The following HELZ variants were observed in gnomAD, a reference collection of about 807,000 sequenced individuals.
The protein encoded by HELZ is ATP-dependent RNA helicase with zinc finger domain.
A neutral mutation model predicts 218.2 loss-of-function variants in HELZ; 23 were observed. The ratio of observed to expected loss-of-function variants is 0.11; its 90% CI spans 0.08 to 0.15. The LOEUF is 0.15. HELZ is among the 10% of genes least tolerant of loss of function. The pLI is 1.00. For synonymous variants in HELZ, 814 were observed against 829.4 expected (o/e 0.98, Z 0.32); for missense variants, 1,813 against 2,353.7 (o/e 0.77, Z 4.75).
At chr17:67,244,965 G>C in intron 1 of HELZ, 183 bp downstream of exon 1, 1 of 985,846 alleles carries the variant, frequency 1.0e-6, no homozygotes, top group Non-Finnish European at 1.2e-6. Flanking sequence ...CCAGCGTCCG[G>C]GCCTCGCCTC....
intron 27 of HELZ, among the ~76,000 whole-genome samples, chr17:67,115,966 C>A (rs1051427726): frequency 5.3e-5 from 8 of 151,890 alleles, no homozygotes; most frequent in Admixed American, 5.2e-4. Context: ...ACAAAAATAA[C>A]AATTATGTTT....
At chr17:67,245,504 C>T, upstream of HELZ, 2 of 985,766 alleles carry the variant, frequency 2.0e-6, no homozygotes, top group Non-Finnish European at 2.4e-6. Context: ...CCCGCGTCTG[C>T]ATTGAATCAA....
At chr17:67,092,790 C>T in intron 31 of HELZ, among the ~76,000 whole-genome samples, 1 of 152,038 alleles carries the variant, frequency 6.6e-6, no homozygotes, top group East Asian at 1.9e-4. Flanking sequence ...CATGGTGAAA[C>T]CCCATCTCTA....
intron 12 of HELZ, among the ~76,000 whole-genome samples, chr17:67,183,894 C>G (rs1456909539): frequency 6.6e-6 from 1 of 151,698 alleles, no homozygotes; most frequent in Admixed American, 6.6e-5. Context: ...TAAAGTCACT[C>G]ATATTTCCTA....
At chr17:67,147,618 C>T (rs915736309) in intron 20 of HELZ, among the ~76,000 whole-genome samples, 29 of 152,008 alleles carry the variant, frequency 1.9e-4, no homozygotes, top group African/African-American at 7.0e-4. Flanking sequence ...GCTGGGACCA[C>T]AGGTGCATGC....
chr17:67,188,173 T>C lies in HELZ; in HGVS notation c.1162+146A>G, dbSNP rs948351255. 9 of 715,692 alleles carry C rather than the reference T, an allele frequency of 1.3e-5. No individual in the cohort carries two copies. The highest frequency in any genetic ancestry group is 2.1e-5 in the Non-Finnish European group (9 of 437,962). The allele number at this position is 715,692 out of a possible 1,614,324, so 44.3% of individuals were successfully genotyped here. The stretch of plus-strand genomic sequence containing the variant: ...ACAGTGTGAATCATTATAAGCCCAT[T>C]ACACAGTAAATGAGTCAATTAAGTT... On this transcript the variant is annotated intron_variant, in intron 12 of 32. Coordinates refer to ENST00000358691, the MANE Select transcript of HELZ (RefSeq NM_014877.4). This position sits in a 1 kb window ranked among gnomAD's most constrained non-coding sequence, Gnocchi z 4.1.
Position 67,109,552 on chromosome 17 carries a change from T to C in HELZ, c.4053A>G (p.Ala1351=). The C allele has an allele frequency of 2.5e-6, 4 of 1,614,198 alleles. No homozygotes were observed. The highest frequency in any genetic ancestry group is 2.5e-6 in the Non-Finnish European group (3 of 1,180,044). The change falls in exon 29 of 33, where the codon GCA becomes GCG. Residue 1351 remains alanine (A), a synonymous_variant. Coordinates refer to ENST00000358691, the MANE Select transcript of HELZ (RefSeq NM_014877.4). ...HINLPLPAPH[A]QYAIPNRHFH... ...AGTGGCGATTAGGGATTGCATACTGTGCGTGGGGAGCAGGAAGGGGAAGAT... is the reference window on the plus strand; with the variant it reads ...AGTGGCGATTAGGGATTGCATACTGCGCGTGGGGAGCAGGAAGGGGAAGAT...
At chr17:67,157,947 A>G (rs2038890657) in intron 17 of HELZ, among the ~76,000 whole-genome samples, 1 of 152,170 alleles carries the variant, frequency 6.6e-6, no homozygotes, top group African/African-American at 2.4e-5. Context: ...AGAACCACAC[A>G]CAAAAATATT....
intron 12 of HELZ, among the ~76,000 whole-genome samples, chr17:67,183,780 T>C (rs1217964429): frequency 2.0e-5 from 3 of 152,144 alleles, no homozygotes; most frequent in African/African-American, 7.2e-5. Flanking sequence ...CCACATATTT[T>C]TGAAAAGCCT....
chr17:67,135,911 T>A, intron 23 of HELZ, 59 bp downstream of exon 23: 1 of 1,332,976 alleles, frequency 7.5e-7, no homozygotes, highest in South Asian at 1.3e-5. Flanking sequence ...AATATACACA[T>A]AGGGATACAA....
intron 17 of HELZ, among the ~76,000 whole-genome samples, chr17:67,160,057 T>C (rs2038953157): frequency 6.6e-6 from 1 of 152,140 alleles, no homozygotes; most frequent in African/African-American, 2.4e-5. Context: ...AGGATGTCTT[T>C]CTCTTACTTA....
intron 5 of HELZ, among the ~76,000 whole-genome samples, chr17:67,212,355 T>C (rs1236210030): frequency 2.3e-5 from 2 of 87,976 alleles, no homozygotes; most frequent in East Asian, 7.1e-4. Context: ...GTATATAAAA[T>C]GCAAACATAA....
intron 5 of HELZ, among the ~76,000 whole-genome samples, chr17:67,214,790 A>G (rs2040552947): frequency 6.6e-6 from 1 of 152,072 alleles, no homozygotes; most frequent in South Asian, 2.1e-4. Flanking sequence ...AGCAACAACC[A>G]CAAAGAAAAG....
intron 17 of HELZ, among the ~76,000 whole-genome samples, chr17:67,152,527 T>C (rs565386446): frequency 2.6e-5 from 4 of 152,204 alleles, no homozygotes; most frequent in Admixed American, 6.5e-5. Context: ...TTCCACGCCT[T>C]TGAAACTGGA....
intron 16 of HELZ, 23 bp downstream of exon 16, chr17:67,160,874 G>T: frequency 6.5e-7 from 1 of 1,549,112 alleles, no homozygotes; most frequent in South Asian, 1.2e-5. Flanking sequence ...AGGGAAATAT[G>T]AGCACGCTTC....
At chr17:67,147,387 G>A (rs535074681) in intron 20 of HELZ, among the ~76,000 whole-genome samples, 1 of 152,290 alleles carries the variant, frequency 6.6e-6, no homozygotes, top group East Asian at 1.9e-4. Context: ...ATTTGGGTAT[G>A]TCAGGCCTCA....
At chr17:67,140,678 T>G (rs1255444685) in intron 21 of HELZ, among the ~76,000 whole-genome samples, 1 of 152,140 alleles carries the variant, frequency 6.6e-6, no homozygotes, top group Non-Finnish European at 1.5e-5. Flanking sequence ...AAAGAAATAA[T>G]GGCTAAAAAT....
intron 21 of HELZ, among the ~76,000 whole-genome samples, chr17:67,139,845 G>A (rs1050589448): frequency 1.3e-5 from 2 of 152,134 alleles, no homozygotes; most frequent in Admixed American, 6.6e-5. Flanking sequence ...GGTAAACATT[G>A]GCAGATTTCA....
At chr17:67,179,996 C>CTTGGTGAATGA (rs2039562994) in intron 12 of HELZ, among the ~76,000 whole-genome samples, 1 of 152,136 alleles carries the variant, frequency 6.6e-6, no homozygotes, top group Non-Finnish European at 1.5e-5. Flanking sequence ...TAAACATGAG[C>CTTGGTGAATGA]CTAGTCATTC....
Sources: allele counts gnomAD v4.1 joint callset (sites outside exome capture counted in the v4.1 genomes callset), GRCh38; gene constraint gnomAD v4.1.1; non-coding constraint Gnocchi (gnomAD v3.1); transcripts MANE v1.5; gene names NCBI Gene and HGNC (gene_info 2026-07-23, HGNC 2026-07-21).